Variants in STAC3 observed in about 807,000 individuals in gnomAD.
STAC3 encodes SH3 and cysteine-rich domain-containing protein 3.
In STAC3, 30 loss-of-function variants were observed where a neutral mutation model predicts 48.5. That is an observed-to-expected ratio of 0.62 (90% CI 0.46 to 0.84). The LOEUF (loss-of-function observed/expected upper bound fraction) is 0.84, where lower values mean the gene tolerates loss of function less well. Among genes scored for constraint, STAC3 ranks in the 40% least tolerant of loss-of-function variants. The pLI is 0.00. For synonymous variants in STAC3, 144 were observed against 158.6 expected, an observed-to-expected ratio of 0.91 and a Z score of 0.69; for missense variants, 419 against 462.6, an observed-to-expected ratio of 0.91 and a Z score of 0.86.
Position 57,244,922 on chromosome 12 carries a change from A to T in STAC3, c.714T>A (p.Asp238Glu), listed in dbSNP as rs1384379021. The T allele has an allele frequency of 6.2e-7, 1 of 1,614,144 alleles. No homozygotes were observed. Residue 238 changes from aspartate to glutamate, a missense_variant, in exon 8 of 12, where the codon GAT becomes GAA. Physicochemically the swap from Asp to Glu is conservative, Grantham distance 45 (BLOSUM62 2). Transcript: ENST00000332782. Reference sequence around the variant, plus strand: ...AGGGAGGAAGGATTCTTACCTTGTCATCAGGTGTCTTCTTCTCAGCCTTCT... The same window carrying T: ...AGGGAGGAAGGATTCTTACCTTGTCTTCAGGTGTCTTCTTCTCAGCCTTCT... ...GDKKAEKKTP[D>E]DKHKQPGFQQ...
chr12:57,243,965 G>A (rs2037668947), intron 11 of STAC3, 55 bp from the exon 12 acceptor site: 1 of 1,606,304 alleles, frequency 6.2e-7, no homozygotes, highest in South Asian at 1.1e-5. Context: ...AGGTAGGAGA[G>A]GACAGCAGGG....
At chr12:57,245,082 C>T in intron 7 of STAC3, 63 bp downstream of exon 7, 1 of 1,607,898 alleles carries the variant, frequency 6.2e-7, no homozygotes, top group South Asian at 1.1e-5. Flanking sequence ...CTCCTCCACC[C>T]TCTGTTCCAC....
At chr12:57,249,526 G>T in intron 2 of STAC3, 45 bp downstream of exon 2, 1 of 1,584,756 alleles carries the variant, frequency 6.3e-7, no homozygotes, top group Non-Finnish European at 8.6e-7. Context: ...CAGCTGTAAT[G>T]GCTTCCCAGC....
intron 4 of STAC3, 127 bp from the exon 5 acceptor site, chr12:57,248,325 A>C: frequency 1.2e-6 from 1 of 804,734 alleles, no homozygotes. Flanking sequence ...AGAGAAATGA[A>C]TGGGATGGAG....
In STAC3 at chr12:57,248,758, A is replaced by G; in HGVS notation, c.380T>C (p.Ile127Thr). 1 of 1,614,156 alleles carries G rather than the reference A, an allele frequency of 6.2e-7. No homozygotes were observed. ...CACATAGGACTGACAGTGTTCATGG[A>G]TGTTGGTTTTGCAGTTCTTACAGCG... ...GLRCKNCKTN[I>T]HEHCQSYVEM... The change falls in exon 4 of 12, where the codon ATC becomes ACC. Residue 127 changes from isoleucine to threonine, a missense_variant. Transcript: ENST00000332782.
At chr12:57,244,481 C>A in intron 9 of STAC3, 56 bp downstream of exon 9, 1 of 1,612,664 alleles carries the variant, frequency 6.2e-7, no homozygotes, top group Non-Finnish European at 8.5e-7. Flanking sequence ...CTTGGGGGAA[C>A]CCAGCTCTTT....
chr12:57,246,970 A>G, intron 5 of STAC3, 69 bp from the exon 6 acceptor site: 6 of 1,499,424 alleles, frequency 4.0e-6, no homozygotes, highest in Non-Finnish European at 5.6e-6. Context: ...AAAGGAAGGG[A>G]GAGGTGGGAT....
Position 57,249,541 on chromosome 12 carries a change from C to A in STAC3, c.66+30G>T, listed in dbSNP as rs551934915. 11 of 1,612,592 alleles carry A rather than the reference C, an allele frequency of 6.8e-6. No individual in the cohort carries two copies. The Admixed American group carries it at 1.3e-4, about 20-fold the overall frequency. On this transcript the variant is annotated intron_variant, in intron 2 of 11. Coordinates refer to ENST00000332782, the MANE Select transcript of STAC3 (RefSeq NM_145064.3). ...CAGCTGTAATGGCTTCCCAGCCCCC[C>A]ACACCCAGTGGTCAGAGGCCCAGAC...
At chr12:57,248,931 T>A in intron 3 of STAC3, 110 bp downstream of exon 3, 1 of 1,545,838 alleles carries the variant, frequency 6.5e-7, no homozygotes, top group South Asian at 1.2e-5. Flanking sequence ...AGCATTGCCT[T>A]ACACCAACTC....
At chr12:57,247,659 G>A (rs1050275030) in intron 5 of STAC3, among the ~76,000 whole-genome samples, 3 of 151,708 alleles carry the variant, frequency 2.0e-5, no homozygotes, top group Non-Finnish European at 4.4e-5. Flanking sequence ...TCCTGACCTC[G>A]TGATCCACCC....
intron 1 of STAC3, among the ~76,000 whole-genome samples, chr12:57,250,303 T>C (rs1043767194): frequency 6.9e-6 from 1 of 144,102 alleles, no homozygotes; most frequent in African/African-American, 2.6e-5. Flanking sequence ...GGAAGGATAA[T>C]CGCTTGAACC....
At chr12:57,248,926 T>C (rs1344393080) in intron 3 of STAC3, 115 bp downstream of exon 3, 1 of 1,537,866 alleles carries the variant, frequency 6.5e-7, no homozygotes, top group Non-Finnish European at 8.9e-7. Context: ...CTAATAGCAT[T>C]GCCTTACACC....
Position 57,248,920 on chromosome 12 carries a change from T to C in STAC3, c.335-117A>G. ...GGGACCCTACTTGCTCAATCTCTAA[T>C]AGCATTGCCTTACACCAACTCTAGC... is the stretch of plus-strand genomic sequence containing the variant. On this transcript the variant is annotated intron_variant, in intron 3 of 11. Transcript: ENST00000332782. 2.0e-6 allele frequency: 3 copies of C among 1,532,600 alleles called. No homozygotes were observed. The East Asian group carries it at 6.7e-5, about 34-fold the overall frequency. The allele number at this position is 1,532,600 out of a possible 1,614,324, so 94.9% of individuals were successfully genotyped here.
chr12:57,249,896 A>G (rs1274136952), intron 1 of STAC3, among the ~76,000 whole-genome samples: 1 of 152,094 alleles, frequency 6.6e-6, no homozygotes, highest in Non-Finnish European at 1.5e-5. Context: ...GCTGGAACAC[A>G]AGGTGCACAC....
At chr12:57,250,774 A>C (rs1174590253) in intron 1 of STAC3, among the ~76,000 whole-genome samples, 1 of 151,972 alleles carries the variant, frequency 6.6e-6, no homozygotes, top group East Asian at 1.9e-4. Context: ...TCAGGGTAAT[A>C]TGAGCCTTTC....
chr12:57,247,517 T>G lies in STAC3; in HGVS notation c.505+609A>C, dbSNP rs2037779266. Among the ~76,000 whole-genome samples the G allele has an allele frequency of 2.1e-5, 3 of 142,406 alleles. 1 individual carries two copies. The Admixed American group carries it at 2.2e-4, about 11-fold the overall frequency. The allele number at this position is 142,406 out of a possible 152,430, so 93.4% of individuals were successfully genotyped here. A position where few individuals can be genotyped will look rare whatever the true frequency, so the allele number is the denominator to read the frequency against. ...GGCACAATCTCGGCTCACTGCAAGCTCCGCCTCCCGGGTTCATGCCATTCT... is the reference window on the plus strand; with the variant it reads ...GGCACAATCTCGGCTCACTGCAAGCGCCGCCTCCCGGGTTCATGCCATTCT... On this transcript the variant is annotated intron_variant, in intron 5 of 11. Transcript: ENST00000332782.
chr12:57,247,422 ATTATTAT>A (rs1161141314), intron 5 of STAC3, among the ~76,000 whole-genome samples: 4 of 68,398 alleles, frequency 5.8e-5, no homozygotes, highest in African/African-American at 2.4e-4. Flanking sequence ...TATTATTATT[ATTATTAT>A]TTTTTTTTTT....
intron 1 of STAC3, 81 bp downstream of exon 1, chr12:57,250,912 A>G (rs1358650868): frequency 5.9e-6 from 1 of 169,872 alleles, no homozygotes; most frequent in Non-Finnish European, 1.3e-5. Flanking sequence ...AAGGAGAGAA[A>G]TGAAGAAGCT....
At chr12:57,247,028 G>A (rs549566618) in intron 5 of STAC3, 127 bp from the exon 6 acceptor site, 100 of 831,724 alleles carry the variant, frequency 1.2e-4, no homozygotes, top group African/African-American at 1.1e-3. Context: ...TGGGGGCGCC[G>A]CGGGGAAGAT....
Sources: gnomAD v4.1 joint callset for allele counts (sites outside exome capture counted in the v4.1 genomes callset) on GRCh38, gnomAD v4.1.1 for gene constraint, MANE v1.5 for transcripts, NCBI Gene and HGNC (gene_info 2026-07-23, HGNC 2026-07-21) for gene names.